The following KATNIP variants were observed in gnomAD, a reference collection of about 807,000 sequenced individuals.
KATNIP encodes katanin interacting protein, also known as katanin-interacting protein.
Under a neutral mutation model 174.0 loss-of-function variants are expected in KATNIP, and 126 were observed. The observed-to-expected ratio is 0.72, with a 90% CI of 0.63 to 0.84. The LOEUF (loss-of-function observed/expected upper bound fraction) is 0.84. Among genes scored for constraint, KATNIP ranks in the 40% least tolerant of loss-of-function variants. KATNIP has a pLI of 0.00. For synonymous variants in KATNIP, 810 were observed against 835.7 expected, an observed-to-expected ratio of 0.97 and a Z score of 0.53; for missense variants, 1,958 against 2,109.7, an observed-to-expected ratio of 0.93 and a Z score of 1.41.
intron 6 of KATNIP, among the ~76,000 whole-genome samples, chr16:27,663,719 A>T (rs1181591106): frequency 6.6e-6 from 1 of 151,290 alleles, no homozygotes; most frequent in African/African-American, 2.4e-5. Flanking sequence ...TTGGCCTCCT[A>T]AAGTGTTGGG....
At chr16:27,769,356 C>T (rs928565266) in intron 20 of KATNIP, among the ~76,000 whole-genome samples, 1 of 152,130 alleles carries the variant, frequency 6.6e-6, no homozygotes, top group African/African-American at 2.4e-5. Context: ...GATGTGTGAG[C>T]CAGGGGTTGA....
intron 19 of KATNIP, among the ~76,000 whole-genome samples, chr16:27,761,990 T>A (rs1284884357): frequency 6.6e-6 from 1 of 152,160 alleles, no homozygotes; most frequent in Non-Finnish European, 1.5e-5. Context: ...CCCTCTCCCC[T>A]CCTTGAGGTT....
chr16:27,612,252 C>T (rs1354798784), intron 2 of KATNIP, among the ~76,000 whole-genome samples: 2 of 152,180 alleles, frequency 1.3e-5, no homozygotes, highest in Non-Finnish European at 2.9e-5. Context: ...CAGGTACAGG[C>T]ATCACCCCAT....
At chr16:27,659,106 C>CA (rs1343602760) in intron 6 of KATNIP, among the ~76,000 whole-genome samples, 1 of 151,644 alleles carries the variant, frequency 6.6e-6, no homozygotes, top group Non-Finnish European at 1.5e-5. Context: ...CCATTAATAT[C>CA]AAAAAAAGAC....
At chr16:27,630,955 A>C in intron 4 of KATNIP, 110 bp from the exon 5 acceptor site, 1 of 791,438 alleles carries the variant, frequency 1.3e-6, no homozygotes, top group Non-Finnish European at 2.1e-6. Context: ...CTCATACACA[A>C]GACTTTGGGC....
chr16:27,629,521 G>A lies in KATNIP; in HGVS notation c.310+691G>A, dbSNP rs1009705897. ...TTTCTGTATTTAGTTAATCTATACT[G>A]TGCATACTTTAAATGGATTTCACGT... On this transcript the variant is annotated intron_variant, in intron 4 of 27. Coordinates refer to ENST00000261588, the MANE Select transcript of KATNIP (RefSeq NM_015202.5). Among the ~76,000 whole-genome samples the A allele has an allele frequency of 5.3e-5, 8 of 152,280 alleles. No individual in the cohort carries two copies. In the East Asian group the frequency reaches 1.5e-3, roughly 29 times the overall value.
intron 1 of KATNIP, among the ~76,000 whole-genome samples, chr16:27,568,715 G>A (rs537325739): frequency 1.0e-3 from 156 of 152,176 alleles, no homozygotes; most frequent in Middle Eastern, 0.01. Context: ...TGCCCGCCCG[G>A]GCCTCCCAAA....
At chr16:27,646,516 G>A (rs999925599) in intron 5 of KATNIP, among the ~76,000 whole-genome samples, 5 of 152,188 alleles carry the variant, frequency 3.3e-5, no homozygotes, top group East Asian at 1.9e-4. Context: ...AGGAAATTGG[G>A]CCCCAGAGGA....
intron 6 of KATNIP, among the ~76,000 whole-genome samples, chr16:27,661,371 G>T (rs770740390): frequency 6.6e-6 from 1 of 152,118 alleles, no homozygotes; most frequent in Middle Eastern, 3.4e-3. Context: ...AGAGAAGCCA[G>T]GTATCTGGGT....
chr16:27,737,654 C>T (rs1245621950), intron 14 of KATNIP, among the ~76,000 whole-genome samples: 1 of 152,038 alleles, frequency 6.6e-6, no homozygotes, highest in Non-Finnish European at 1.5e-5. Context: ...GCTCAGCCAG[C>T]GAGGCAGGAG....
intron 20 of KATNIP, among the ~76,000 whole-genome samples, chr16:27,768,708 C>T (rs1195657328): frequency 2.6e-5 from 4 of 152,166 alleles, no homozygotes; most frequent in Admixed American, 2.0e-4. Flanking sequence ...GTGACAGCCA[C>T]GCCCGAAGCC....
chr16:27,645,241 G>T (rs2076923767), intron 5 of KATNIP, among the ~76,000 whole-genome samples: 1 of 152,248 alleles, frequency 6.6e-6, no homozygotes, highest in Non-Finnish European at 1.5e-5. Context: ...GGTGCTGTGT[G>T]CCAAAGCCCC....
intron 2 of KATNIP, among the ~76,000 whole-genome samples, chr16:27,607,769 G>T (rs191933864): frequency 6.6e-6 from 1 of 152,128 alleles, no homozygotes; most frequent in East Asian, 1.9e-4. Context: ...ATCATGTCCG[G>T]CTAATTTTTA....
chr16:27,690,106 C>T (rs1001110130), intron 8 of KATNIP, among the ~76,000 whole-genome samples: 4 of 151,968 alleles, frequency 2.6e-5, no homozygotes, highest in African/African-American at 9.7e-5. Flanking sequence ...AGTTCAAGAC[C>T]AGCCTGGGCA....
chr16:27,716,078 A>G (rs2143010552), intron 13 of KATNIP, among the ~76,000 whole-genome samples: 1 of 152,356 alleles, frequency 6.6e-6, no homozygotes, highest in South Asian at 2.1e-4. Flanking sequence ...ATGAATAAAG[A>G]AAATGTAGTA....
chr16:27,652,971 C>T (rs907584948), intron 6 of KATNIP, among the ~76,000 whole-genome samples: 2 of 151,986 alleles, frequency 1.3e-5, no homozygotes, highest in Admixed American at 1.3e-4. Flanking sequence ...TGCACTCCAG[C>T]CTGGGTGACA....
At position 27,638,677 on chromosome 16, in the gene KATNIP, G is replaced by T. The variant is rs534846594; in HGVS notation, c.408+7515G>T. ...GAGGTATCAGTGGGGCCACACGGTC[G>T]CCTTGTGTATTCACATTGGTCAGCA... On this transcript the variant is annotated intron_variant, in intron 5 of 27. Transcript: ENST00000261588. Among the ~76,000 whole-genome samples, 22 of 152,100 alleles carry T rather than the reference G, an allele frequency of 1.4e-4. 3 individuals carry two copies. The highest frequency in any genetic ancestry group is 1.2e-3 in the Admixed American group (18 of 15,270).
At chr16:27,681,003 T>G (rs2078317586) in intron 7 of KATNIP, among the ~76,000 whole-genome samples, 2 of 152,154 alleles carry the variant, frequency 1.3e-5, no homozygotes, top group African/African-American at 2.4e-5. Flanking sequence ...CCTATTTTGT[T>G]CATTTTTTGC....
At chr16:27,713,801 TGTATATAC>T (rs2079759672) in intron 13 of KATNIP, among the ~76,000 whole-genome samples, 1 of 76,302 alleles carries the variant, frequency 1.3e-5, no homozygotes, top group African/African-American at 5.8e-5. Flanking sequence ...TGTGTGTGTG[TGTATATAC>T]ATATATATAT....
Sources: gnomAD v4.1 joint callset for allele counts (sites outside exome capture counted in the v4.1 genomes callset) on GRCh38, gnomAD v4.1.1 for gene constraint, MANE v1.5 for transcripts, NCBI Gene and HGNC (gene_info 2026-07-23, HGNC 2026-07-21) for gene names.